Variants in CADM2 observed in about 807,000 individuals in gnomAD.
CADM2 encodes the protein immunoglobulin superfamily member 4D.
Under a neutral mutation model 49.8 loss-of-function variants are expected in CADM2, and 12 were observed. The ratio of observed to expected loss-of-function variants is 0.24; its 90% confidence interval spans 0.15 to 0.39. The LOEUF (loss-of-function observed/expected upper bound fraction) is 0.39, where lower values mean the gene tolerates loss of function less well. CADM2 is among the 10% of genes least tolerant of loss of function. CADM2 has a pLI of 1.00. For missense variants in CADM2, 378 were observed against 492.3 expected, an observed-to-expected ratio of 0.77 and a Z score of 2.20; for synonymous variants, 214 against 175.4, an observed-to-expected ratio of 1.22 and a Z score of -1.74.
intron 2 of CADM2, among the ~76,000 whole-genome samples, chr3:85,777,349 G>A (rs1427373961): frequency 6.6e-6 from 1 of 151,790 alleles, no homozygotes; most frequent in Non-Finnish European, 1.5e-5. Flanking sequence ...TCCGCCTCCC[G>A]GGTTCAAGCA....
intron 2 of CADM2, among the ~76,000 whole-genome samples, chr3:85,789,868 C>T (rs1339677921): frequency 2.0e-5 from 3 of 151,984 alleles, no homozygotes; most frequent in African/African-American, 7.2e-5. Context: ...GGGTAATAAG[C>T]AGAAAAGCTA....
intron 1 of CADM2, among the ~76,000 whole-genome samples, chr3:85,181,817 A>G (rs1211181832): frequency 2.7e-5 from 4 of 150,534 alleles, no homozygotes; most frequent in African/African-American, 9.7e-5. Flanking sequence ...TATTATATAT[A>G]GTTTTAATAC....
chr3:85,774,823 C>T (rs775218079), intron 2 of CADM2, among the ~76,000 whole-genome samples: 9 of 151,498 alleles, frequency 5.9e-5, no homozygotes, highest in Admixed American at 1.3e-4. Context: ...TGAAAACACT[C>T]GGAAAGTAGC....
chr3:85,354,416 A>G (rs556507550), intron 1 of CADM2, among the ~76,000 whole-genome samples: 101 of 150,910 alleles, frequency 6.7e-4, no homozygotes, highest in Non-Finnish European at 1.2e-3. Flanking sequence ...TGACGAGTTA[A>G]TGGGTGCAGC....
intron 1 of CADM2, among the ~76,000 whole-genome samples, chr3:85,321,181 GAA>G (rs1345189748): frequency 1.1e-5 from 1 of 89,508 alleles, no homozygotes; most frequent in Non-Finnish European, 2.1e-5. Context: ...GAGAGAGAAA[GAA>G]AGAGAGAGAG....
intron 3 of CADM2, among the ~76,000 whole-genome samples, chr3:85,843,211 T>G (rs1168647261): frequency 1.3e-5 from 2 of 152,114 alleles, no homozygotes; most frequent in African/African-American, 4.8e-5. Context: ...ATATTTAGAA[T>G]CCATTTATGA....
chr3:85,552,525 C>T (rs1223187307), intron 1 of CADM2, among the ~76,000 whole-genome samples: 9 of 151,408 alleles, frequency 5.9e-5, no homozygotes, highest in Non-Finnish European at 1.0e-4. Context: ...AGACTACAGG[C>T]GCCCGCCACC....
intron 1 of CADM2, among the ~76,000 whole-genome samples, chr3:85,351,097 A>T (rs2031296412): frequency 6.6e-6 from 1 of 152,180 alleles, no homozygotes. Flanking sequence ...CTGGAAGGGC[A>T]TATGAACATT....
chr3:85,874,563 G>GAAACCAT (rs1425606368), intron 3 of CADM2, among the ~76,000 whole-genome samples: 1 of 151,474 alleles, frequency 6.6e-6, no homozygotes, highest in Non-Finnish European at 1.5e-5. Flanking sequence ...TGTCTATGAG[G>GAAACCAT]AGACCAATAT....
intron 1 of CADM2, among the ~76,000 whole-genome samples, chr3:85,709,475 A>G (rs1559606417): frequency 6.6e-6 from 1 of 152,164 alleles, no homozygotes; most frequent in Non-Finnish European, 1.5e-5. Flanking sequence ...TGCTTTGTTA[A>G]TATGGCTGTG....
At chr3:85,558,055 T>C (rs761882498) in intron 1 of CADM2, among the ~76,000 whole-genome samples, 6 of 152,010 alleles carry the variant, frequency 3.9e-5, no homozygotes, top group Non-Finnish European at 5.9e-5. Context: ...AAACCAGTCC[T>C]AATTATATTT....
At chr3:85,898,718 TG>T (rs1333079006) in intron 5 of CADM2, among the ~76,000 whole-genome samples, 1 of 151,658 alleles carries the variant, frequency 6.6e-6, no homozygotes, top group African/African-American at 2.4e-5. Flanking sequence ...TACCCAGTGA[TG>T]GACATTCAGG....
intron 1 of CADM2, among the ~76,000 whole-genome samples, chr3:85,536,762 T>G (rs1414404490): frequency 2.0e-5 from 3 of 152,004 alleles, no homozygotes; most frequent in Admixed American, 6.6e-5. Context: ...ATATGAGAGA[T>G]ATGTATAGCC....
chr3:86,044,249 G>C (rs1156611994), intron 8 of CADM2, among the ~76,000 whole-genome samples: 1 of 152,142 alleles, frequency 6.6e-6, no homozygotes, highest in African/African-American at 2.4e-5. Context: ...CACAGCAAAA[G>C]AAACTACCAT....
chr3:85,614,411 A>T (rs570768553), intron 1 of CADM2, among the ~76,000 whole-genome samples: 3 of 151,798 alleles, frequency 2.0e-5, no homozygotes, highest in Non-Finnish European at 4.4e-5. Flanking sequence ...AGTAAACTTC[A>T]TTTGCAGAGA....
chr3:85,497,685 A>ATCG (rs2039960422), intron 1 of CADM2, among the ~76,000 whole-genome samples: 1 of 152,094 alleles, frequency 6.6e-6, no homozygotes, highest in Non-Finnish European at 1.5e-5. Flanking sequence ...ATCTCCTAAA[A>ATCG]ATCTATTATA....
intron 6 of CADM2, among the ~76,000 whole-genome samples, chr3:85,921,421 G>A (rs1242096953): frequency 6.6e-6 from 1 of 151,898 alleles, no homozygotes; most frequent in Non-Finnish European, 1.5e-5. Context: ...ATTGGCTCTT[G>A]ATATATTAGG....
At chr3:85,788,213 A>AT (rs1184386302) in intron 2 of CADM2, among the ~76,000 whole-genome samples, 2 of 152,126 alleles carry the variant, frequency 1.3e-5, no homozygotes. Flanking sequence ...ATTGAGGTAT[A>AT]TTTTATCAGT....
At chr3:85,520,282 T>A (rs1432906064) in intron 1 of CADM2, among the ~76,000 whole-genome samples, 1 of 151,866 alleles carries the variant, frequency 6.6e-6, no homozygotes. Flanking sequence ...ATATATTGTT[T>A]ATTGAAAATT....
Sources: gnomAD v4.1 joint callset for allele counts (sites outside exome capture counted in the v4.1 genomes callset) on GRCh38, gnomAD v4.1.1 for gene constraint, MANE v1.5 for transcripts, NCBI Gene and HGNC (gene_info 2026-07-23, HGNC 2026-07-21) for gene names.